The following ARHGAP45 variants were observed in gnomAD, a reference collection of about 807,000 sequenced individuals.
The protein encoded by ARHGAP45 is Rho GTPase activating protein 45.
ARHGAP45 carries 56 observed loss-of-function variants against 116.1 expected under a neutral mutation model. The ratio of observed to expected loss-of-function variants is 0.48; its 90% CI spans 0.39 to 0.60. ARHGAP45 has a LOEUF of 0.60. ARHGAP45 is among the 20% of genes least tolerant of loss of function. The pLI, the probability that ARHGAP45 is intolerant of heterozygous loss-of-function variation, is 0.00. For missense variants in ARHGAP45, 1,622 were observed against 1,601.0 expected, an observed-to-expected ratio of 1.01 and a Z score of -0.22; for synonymous variants, 866 against 701.7, an observed-to-expected ratio of 1.23 and a Z score of -3.70.
In ARHGAP45 at chr19:1,068,454, G is replaced by T; in HGVS notation, c.131G>T (p.Gly44Val). ...GATGGGGCTGACGCGGTGTTCCCCG[G>T]ACCAAGCCTGGAGCCGCCCGCTGGG... ...RKDGADAVFP[G>V]PSLEPPAGSS... The change falls in exon 2 of 23, where the codon GGA becomes GTA. Residue 44 changes from glycine (G) to valine (V), a missense_variant. Coordinates refer to ENST00000313093, the MANE Select transcript of ARHGAP45 (RefSeq NM_012292.5). The surrounding 1 kb of genome is among the most constrained non-coding windows in gnomAD (Gnocchi z 7.5). 6.3e-7 allele frequency: 1 copy of T among 1,581,758 alleles called. No individual in the cohort carries two copies.
chr19:1,080,228 C>A, intron 13 of ARHGAP45, 27 bp from the exon 14 acceptor site: 1 of 1,611,818 alleles, frequency 6.2e-7, no homozygotes, highest in South Asian at 1.1e-5. Context: ...CATCACCTCC[C>A]CTCCTTTTCC....
Position 1,068,450 on chromosome 19 carries a change from C to A in ARHGAP45, c.127C>A (p.Pro43Thr). Residue 43 changes from proline (P) to threonine (T), a missense_variant, in exon 2 of 23, where the codon CCC (proline) becomes ACC (threonine). Pro to Thr is a conservative substitution (Grantham distance 38, BLOSUM62 -1). Coordinates refer to ENST00000313093, the MANE Select transcript of ARHGAP45 (RefSeq NM_012292.5). The surrounding 1 kb of genome is among the most constrained non-coding windows in gnomAD (Gnocchi z 7.5). ...GAAGGATGGGGCTGACGCGGTGTTC[C>A]CCGGACCAAGCCTGGAGCCGCCCGC... is the stretch of plus-strand genomic sequence containing the variant. ...PRKDGADAVF[P>T]GPSLEPPAGS... 3.2e-6 allele frequency: 5 copies of A among 1,580,724 alleles called. No homozygotes were observed. The highest frequency in any genetic ancestry group is 3.4e-6 in the Non-Finnish European group (4 of 1,163,698).
intron 5 of ARHGAP45, 40 bp from the exon 6 acceptor site, chr19:1,073,908 C>T (rs773713025): frequency 5.2e-5 from 80 of 1,531,850 alleles, no homozygotes; most frequent in Non-Finnish European, 6.8e-5. Context: ...TGCCCAGGGC[C>T]CCGCATGGGG....
At chr19:1,074,508 A>G (rs2043200311) in intron 8 of ARHGAP45, 101 bp downstream of exon 8, 2 of 1,402,180 alleles carry the variant, frequency 1.4e-6, no homozygotes, top group African/African-American at 2.9e-5. Context: ...CTTCCCCTCT[A>G]CATTAACGGG....
intron 11 of ARHGAP45, 126 bp from the exon 12 acceptor site, chr19:1,079,577 A>G (rs983426329): frequency 2.5e-6 from 3 of 1,185,104 alleles, no homozygotes; most frequent in East Asian, 4.8e-5. Flanking sequence ...GGCCTCAAGC[A>G]AGTCTCCCAC....
Position 1,085,827 on chromosome 19 carries a change from C to A in ARHGAP45, c.3232C>A (p.Leu1078Met). ...CAGCCACAGCGGCAGTGAGGAGCAG[C>A]TGGAGGCCACAGCCCGGGAGGACGG... ...SGSHSGSEEQ[L>M]EATAREDGDG... Residue 1078 changes from leucine to methionine, a missense_variant, in exon 23 of 23, where the codon CTG (leucine) becomes ATG (methionine). By Grantham distance (15) the Leu-to-Met change is conservative (BLOSUM62 2). Around this residue, in one of 3 missense-constraint regions of ARHGAP45, gnomAD observed 1,334 missense variants for 1,263.8 expected, o/e 1.06. Transcript: ENST00000313093. 1 of 1,612,614 alleles carries A rather than the reference C, an allele frequency of 6.2e-7. No homozygotes were observed. Among genetic ancestry groups the A allele is most frequent in the Non-Finnish European group, 8.5e-7 (1 of 1,179,876 alleles).
At chr19:1,079,903 C>G in intron 12 of ARHGAP45, 25 bp from the exon 13 acceptor site, 1 of 1,600,026 alleles carries the variant, frequency 6.2e-7, no homozygotes, top group Non-Finnish European at 8.5e-7. Context: ...CTCCTGACCC[C>G]TCCGCTCTCC....
chr19:1,078,182 C>T (rs1001436637), intron 11 of ARHGAP45, 137 bp downstream of exon 11: 28 of 1,377,036 alleles, frequency 2.0e-5, no homozygotes, highest in Middle Eastern at 2.7e-4. Context: ...CTTGCTCTGT[C>T]GCCCAGGCTG....
At chr19:1,075,178 G>A (rs760988443) in intron 10 of ARHGAP45, among the ~76,000 whole-genome samples, 2 of 151,940 alleles carry the variant, frequency 1.3e-5, no homozygotes, top group Non-Finnish European at 2.9e-5. Flanking sequence ...TGGTCTCCGG[G>A]TTGAGGGAGA....
chr19:1,085,509 C>T (rs1599779184), intron 22 of ARHGAP45, 151 bp from the exon 23 acceptor site: 3 of 558,444 alleles, frequency 5.4e-6, no homozygotes, highest in Non-Finnish European at 9.4e-6. Context: ...CTTGTCTCTC[C>T]TCCATCTCTC....
chr19:1,074,068 G>A (rs1476085765), intron 6 of ARHGAP45, 36 bp from the exon 7 acceptor site: 42 of 1,606,278 alleles, frequency 2.6e-5, no homozygotes, highest in Non-Finnish European at 3.4e-5. Flanking sequence ...CATTGCGCGG[G>A]TCGGGCCAGG....
At chr19:1,079,308 C>G (rs2043354765) in intron 11 of ARHGAP45, among the ~76,000 whole-genome samples, 1 of 151,790 alleles carries the variant, frequency 6.6e-6, no homozygotes, top group African/African-American at 2.4e-5. Context: ...CGAAACCAGC[C>G]TGGGCAACAT....
At position 1,085,915 on chromosome 19, in the gene ARHGAP45, A is replaced by C; in HGVS notation, c.3320A>C (p.Asn1107Thr). Residue 1107 changes from asparagine (N) to threonine (T), a missense_variant, in exon 23 of 23, where the codon AAC becomes ACC. Asn to Thr is a moderately conservative substitution (Grantham distance 65, BLOSUM62 0). Around this residue, in one of 3 missense-constraint regions of ARHGAP45, gnomAD observed 1,334 missense variants for 1,263.8 expected, o/e 1.06. Coordinates refer to ENST00000313093, the MANE Select transcript of ARHGAP45 (RefSeq NM_012292.5). ...GGATTCAACACCAACCAGTCCAACA[A>C]CGTGCTGCAGGCCCCACTGCCCCCC... is the stretch of plus-strand genomic sequence containing the variant. ...LSGFNTNQSNNVLQAPLPPMR... is the reference protein window; with the variant it reads ...LSGFNTNQSNTVLQAPLPPMR... 1.2e-6 allele frequency: 2 copies of C among 1,612,828 alleles called. No homozygotes were observed. Among genetic ancestry groups the C allele is most frequent in the South Asian group, 2.2e-5 (2 of 91,078 alleles).
At position 1,067,364 on chromosome 19, in the gene ARHGAP45, AC is replaced by A. The variant is rs777872629; in HGVS notation, c.-37del. 1 of 1,519,256 alleles carries A rather than the reference AC, an allele frequency of 6.6e-7. No homozygotes were observed. Among genetic ancestry groups the A allele is most frequent in the Non-Finnish European group, 8.8e-7 (1 of 1,136,592 alleles). The allele number at this position is 1,519,256 out of a possible 1,614,324, so 94.1% of individuals were successfully genotyped here. A position where few individuals can be genotyped will look rare whatever the true frequency, so the allele number is the denominator to read the frequency against. The stretch of plus-strand genomic sequence containing the variant: ...CAGCGCCGGGAGCTGCAGCGCTGAG[AC>A]CCCCAGCCCGCCCCCTCGGGCTCCC... On this transcript the variant is annotated 5_prime_UTR_variant, in exon 1 of 23. Transcript: ENST00000313093.
rs1008203847 is a variant in ARHGAP45 at position 1,086,408 on chromosome 19, A to G, written c.*402A>G. On this transcript the variant is annotated 3_prime_UTR_variant, in exon 23 of 23. Coordinates refer to ENST00000313093, the MANE Select transcript of ARHGAP45 (RefSeq NM_012292.5). ...CTCACAGGTCTGTTGCAGGGACTCC[A>G]GAAACCATTCTGGGAGCCGTGGATG... The G allele has an allele frequency of 8.1e-5, 15 of 185,182 alleles. No homozygotes were observed. Among genetic ancestry groups the G allele is most frequent in the African/African-American group, 3.1e-4 (13 of 42,276 alleles). The allele number at this position is 185,182 out of a possible 1,614,324, so 11.5% of individuals were successfully genotyped here. A position where few individuals can be genotyped will look rare whatever the true frequency, so the allele number is the denominator to read the frequency against.
At chr19:1,079,619 G>C in intron 11 of ARHGAP45, 84 bp from the exon 12 acceptor site, 1 of 1,521,194 alleles carries the variant, frequency 6.6e-7, no homozygotes, top group Admixed American at 2.0e-5. Flanking sequence ...GATGACAGGC[G>C]TCAGCCCCGC....
At chr19:1,076,847 G>C (rs148006398) in intron 10 of ARHGAP45, among the ~76,000 whole-genome samples, 18 of 152,104 alleles carry the variant, frequency 1.2e-4, no homozygotes, top group Non-Finnish European at 2.1e-4. Flanking sequence ...GGCCAGGCTG[G>C]TCTCGAGTAG....
intron 10 of ARHGAP45, 181 bp from the exon 11 acceptor site, chr19:1,077,676 G>A (rs746015622): frequency 2.0e-5 from 29 of 1,460,550 alleles, no homozygotes; most frequent in Admixed American, 6.9e-5. Context: ...GTGAGCCACC[G>A]CGCCCGGCCA....
intron 21 of ARHGAP45, 96 bp downstream of exon 21, chr19:1,083,449 C>T (rs1159409837): frequency 3.5e-6 from 4 of 1,126,816 alleles, no homozygotes; most frequent in African/African-American, 1.5e-5. Flanking sequence ...CCCAAGGAAC[C>T]ACAGGGAGAT....
Sources: allele counts gnomAD v4.1 joint callset (sites outside exome capture counted in the v4.1 genomes callset), GRCh38; gene constraint gnomAD v4.1.1; regional missense constraint gnomAD v4.1.1; non-coding constraint Gnocchi (gnomAD v3.1); transcripts MANE v1.5; gene names NCBI Gene and HGNC (gene_info 2026-07-23, HGNC 2026-07-21).